CYREN: variants seen among roughly 807,000 people sequenced by gnomAD.
The protein encoded by CYREN is cell cycle regulator of NHEJ, also known as cell cycle regulator of non-homologous end joining.
A neutral mutation model predicts 9.7 loss-of-function variants in CYREN; 7 were observed. That is an observed-to-expected ratio of 0.72 (90% CI 0.41 to 1.36). The LOEUF is 1.36. Ranked by LOEUF, CYREN falls within the 40% of genes most tolerant of loss-of-function variation. The probability of loss-of-function intolerance (pLI) is 0.01; values close to 1 mark genes in which losing one functional copy is unlikely to be tolerated. For synonymous variants in CYREN, 76 were observed against 77.9 expected (o/e 0.98, Z 0.13); for missense variants, 215 against 198.1 (o/e 1.09, Z -0.51).
chr7:135,163,177 G>T (rs530115337), downstream of CYREN, among the ~76,000 whole-genome samples: 5 of 152,072 alleles, frequency 3.3e-5, no homozygotes, highest in Non-Finnish European at 7.4e-5. Context: ...TGTTTTTGAA[G>T]AATATTTAAC....
chr7:135,159,966 C>T (rs1380256610), intron 2 of CYREN, among the ~76,000 whole-genome samples: 3 of 152,190 alleles, frequency 2.0e-5, no homozygotes, highest in Non-Finnish European at 2.9e-5. Context: ...AAAATATTCA[C>T]CATAGCATTC....
intron 2 of CYREN, among the ~76,000 whole-genome samples, chr7:135,127,203 G>T (rs1040697283): frequency 1.3e-5 from 2 of 151,666 alleles, no homozygotes; most frequent in Non-Finnish European, 2.9e-5. Context: ...CAAAAAGTGG[G>T]CAAAGGATAT....
At chr7:135,133,080 C>G (rs1247331860) in intron 2 of CYREN, among the ~76,000 whole-genome samples, 1 of 151,110 alleles carries the variant, frequency 6.6e-6, no homozygotes, top group Admixed American at 6.6e-5. Flanking sequence ...CACACACACA[C>G]ACACACACAC....
At chr7:135,122,410 G>A (rs1270629647) in intron 2 of CYREN, among the ~76,000 whole-genome samples, 1 of 152,206 alleles carries the variant, frequency 6.6e-6, no homozygotes, top group Non-Finnish European at 1.5e-5. Context: ...CCCCTAGCGG[G>A]AGGGGTGACC....
chr7:135,136,846 A>G (rs1464154478), intron 2 of CYREN, among the ~76,000 whole-genome samples: 1 of 152,062 alleles, frequency 6.6e-6, no homozygotes, highest in African/African-American at 2.4e-5. Context: ...AGATTTAGGG[A>G]TGCACAGATA....
At chr7:135,116,901 G>A (rs1243784260) in intron 2 of CYREN, among the ~76,000 whole-genome samples, 1 of 152,106 alleles carries the variant, frequency 6.6e-6, no homozygotes, top group African/African-American at 2.4e-5. Context: ...ATGTGTCTGG[G>A]CACATTTGTG....
At chr7:135,168,656 A>G in intron 2 of CYREN, 130 bp downstream of exon 2, 1 of 1,392,874 alleles carries the variant, frequency 7.2e-7, no homozygotes, top group Non-Finnish European at 9.6e-7. Flanking sequence ...CTAAAAGCTC[A>G]AGAGATGATC....
At chr7:135,156,425 TG>T (rs770164650) in intron 2 of CYREN, among the ~76,000 whole-genome samples, 41 of 152,140 alleles carry the variant, frequency 2.7e-4, no homozygotes, top group Non-Finnish European at 4.4e-5. Context: ...CATTTTTGTC[TG>T]ACTGGATTAT....
intron 2 of CYREN, among the ~76,000 whole-genome samples, chr7:135,107,957 CATTATGTAATGTCTTTATCTTTTTTTTT>C (rs1825001540): frequency 6.6e-6 from 1 of 152,048 alleles, no homozygotes; most frequent in Non-Finnish European, 1.5e-5. Flanking sequence ...CCCTGATTAC[CATTATGTAATGTCTTTATCTTTTTTTTT>C]TATCTTTGTT....
chr7:135,115,755 C>T (rs1156615300), intron 2 of CYREN: 2 of 641,892 alleles, frequency 3.1e-6, no homozygotes, highest in South Asian at 4.8e-5. Flanking sequence ...AGAACAAAGA[C>T]CCAAAGCTGT....
chr7:135,136,217 C>A (rs374770774), intron 2 of CYREN, among the ~76,000 whole-genome samples: 1 of 152,020 alleles, frequency 6.6e-6, no homozygotes, highest in African/African-American at 2.4e-5. Flanking sequence ...AGGAGAGGTA[C>A]ATTAAAAATA....
chr7:135,102,888 T>G (rs1345280816), intron 2 of CYREN, among the ~76,000 whole-genome samples: 1 of 152,130 alleles, frequency 6.6e-6, no homozygotes. Context: ...CAAATAGTAC[T>G]CATAAACACC....
intron 2 of CYREN, chr7:135,135,048 A>C: frequency 6.4e-7 from 1 of 1,551,262 alleles, no homozygotes; most frequent in Non-Finnish European, 8.7e-7. Context: ...TAAAGAATGA[A>C]GACATAAAAC....
intron 2 of CYREN, among the ~76,000 whole-genome samples, chr7:135,117,096 G>A (rs1563283276): frequency 6.6e-6 from 1 of 152,084 alleles, no homozygotes; most frequent in Non-Finnish European, 1.5e-5. Flanking sequence ...GTTATTTTTA[G>A]TGCAAAGAAT....
intron 2 of CYREN, chr7:135,147,792 C>T (rs771531130): frequency 1.1e-5 from 5 of 456,174 alleles, no homozygotes; most frequent in South Asian, 3.1e-5. Flanking sequence ...AATAAAATTC[C>T]GGGTTGTGTT....
intron 2 of CYREN, chr7:135,115,750 A>G (rs1826231301): frequency 1.5e-6 from 1 of 667,254 alleles, no homozygotes; most frequent in Non-Finnish European, 2.5e-6. Flanking sequence ...GGCAAAGAAC[A>G]AAGACCCAAA....
intron 2 of CYREN, among the ~76,000 whole-genome samples, chr7:135,110,514 G>A (rs1395355141): frequency 1.3e-5 from 2 of 152,090 alleles, no homozygotes; most frequent in African/African-American, 2.4e-5. Context: ...TCCTGACCTG[G>A]GAGCTGCAAA....
chr7:135,146,664 G>A (rs767898810), intron 2 of CYREN, among the ~76,000 whole-genome samples: 4 of 152,202 alleles, frequency 2.6e-5, no homozygotes, highest in Admixed American at 2.6e-4. Flanking sequence ...CAGTGGGGAA[G>A]AAGAAAGCTA....
chr7:135,144,938 T>TAAAAAAAAAAAAAAAAAAAA (rs58443282), intron 2 of CYREN, among the ~76,000 whole-genome samples: 4 of 45,626 alleles, frequency 8.8e-5, no homozygotes, highest in East Asian at 1.1e-3. Context: ...CTCAAAAGAG[T>TAAAAAAAAAAAAAAAAAAAA]AAAAAAAAAA....
Sources: gnomAD v4.1 joint callset for allele counts (sites outside exome capture counted in the v4.1 genomes callset) on GRCh38, gnomAD v4.1.1 for gene constraint, MANE v1.5 for transcripts, NCBI Gene and HGNC (gene_info 2026-07-23, HGNC 2026-07-21) for gene names.